CLCN3: variants seen among roughly 807,000 people sequenced by gnomAD.
CLCN3 encodes H(+)/Cl(-) exchange transporter 3.
A neutral mutation model predicts 83.4 loss-of-function variants in CLCN3; 16 were observed. That is an observed-to-expected ratio of 0.19 (90% confidence interval 0.13 to 0.29). The LOEUF is 0.29. Among genes scored for constraint, CLCN3 ranks in the 10% least tolerant of loss-of-function variants. CLCN3 has a pLI of 1.00. For missense variants in CLCN3, 544 were observed against 1,006.0 expected (o/e 0.54, Z 6.21); for synonymous variants, 322 against 346.2 (o/e 0.93, Z 0.78).
At chr4:169,637,545 A>G (rs1348222855) in intron 2 of CLCN3, among the ~76,000 whole-genome samples, 1 of 152,012 alleles carries the variant, frequency 6.6e-6, no homozygotes, top group South Asian at 2.1e-4. Flanking sequence ...CACTCCTGCT[A>G]GGCACCAGAG....
chr4:169,657,159 G>A (rs750410081), intron 2 of CLCN3, among the ~76,000 whole-genome samples: 19 of 152,048 alleles, frequency 1.2e-4, no homozygotes, highest in African/African-American at 4.1e-4. Context: ...CATGTATATT[G>A]TGTATTTCTA....
chr4:169,626,179 C>A (rs781710911), intron 1 of CLCN3, among the ~76,000 whole-genome samples: 11 of 152,208 alleles, frequency 7.2e-5, no homozygotes, highest in African/African-American at 2.4e-4. Flanking sequence ...TCACAGAACT[C>A]AGAGAAACAC....
intron 1 of CLCN3, among the ~76,000 whole-genome samples, chr4:169,623,142 A>G (rs1343899920): frequency 6.6e-6 from 1 of 152,202 alleles, no homozygotes; most frequent in African/African-American, 2.4e-5. Context: ...ATTTCTTGCT[A>G]TTTCTTGTGA....
At chr4:169,710,950 C>G (rs144066913) in intron 11 of CLCN3, among the ~76,000 whole-genome samples, 155 of 152,228 alleles carry the variant, frequency 1.0e-3, no homozygotes, top group Admixed American at 8.2e-3. Flanking sequence ...CCTCAACCTC[C>G]GGAGCACATG....
intron 2 of CLCN3, among the ~76,000 whole-genome samples, chr4:169,664,021 C>T (rs1013810827): frequency 6.6e-5 from 10 of 152,190 alleles, no homozygotes; most frequent in Non-Finnish European, 1.3e-4. Context: ...CTCACATACA[C>T]AGGGGACTCA....
chr4:169,658,569 T>C (rs994652645), intron 2 of CLCN3, among the ~76,000 whole-genome samples: 1 of 151,984 alleles, frequency 6.6e-6, no homozygotes, highest in Non-Finnish European at 1.5e-5. Flanking sequence ...GTAAAACATA[T>C]AAAAGAACCA....
Position 169,667,191 on chromosome 4 carries a change from G to A in CLCN3, c.161-12859G>A, listed in dbSNP as rs115905092. Among the ~76,000 whole-genome samples, 966 of 151,898 alleles carry A rather than the reference G, an allele frequency of 6.4e-3. 6 individuals carry two copies. Among genetic ancestry groups the A allele is most frequent in the Non-Finnish European group, 0.011 (773 of 67,962 alleles). On this transcript the variant is annotated intron_variant, in intron 2 of 12. Coordinates refer to ENST00000513761, the MANE Select transcript of CLCN3 (RefSeq NM_001829.4). ...TATATATGGTGTGAGGTAGGGGTACGGTTTCATTCTTTTGCACGTGAATAG... is the reference window on the plus strand; with the variant it reads ...TATATATGGTGTGAGGTAGGGGTACAGTTTCATTCTTTTGCACGTGAATAG...
At chr4:169,628,409 C>G (rs191673100) in intron 1 of CLCN3, among the ~76,000 whole-genome samples, 12 of 152,212 alleles carry the variant, frequency 7.9e-5, no homozygotes, top group African/African-American at 2.9e-4. Flanking sequence ...GACAACACAA[C>G]TGACAAATAA....
chr4:169,664,732 C>T (rs1360400649), intron 2 of CLCN3, among the ~76,000 whole-genome samples: 1 of 152,186 alleles, frequency 6.6e-6, no homozygotes, highest in Non-Finnish European at 1.5e-5. Flanking sequence ...ATTACTACCT[C>T]TAGCTTGATT....
chr4:169,650,389 C>T (rs573853098), intron 2 of CLCN3, among the ~76,000 whole-genome samples: 3 of 152,074 alleles, frequency 2.0e-5, no homozygotes, highest in Non-Finnish European at 4.4e-5. Context: ...GTTATGTGTG[C>T]GCATATTGTC....
chr4:169,710,657 A>G (rs1733177289), intron 11 of CLCN3, among the ~76,000 whole-genome samples: 1 of 152,242 alleles, frequency 6.6e-6, no homozygotes, highest in Non-Finnish European at 1.5e-5. Flanking sequence ...ATTCCATTAA[A>G]TAATTTTTTA....
chr4:169,706,408 A>G (rs1395331034), intron 10 of CLCN3, among the ~76,000 whole-genome samples: 2 of 152,196 alleles, frequency 1.3e-5, no homozygotes, highest in Non-Finnish European at 2.9e-5. Context: ...CTCTTTTTGA[A>G]AAAAATTTAG....
chr4:169,717,930 G>T, intron 12 of CLCN3: 3 of 1,091,010 alleles, frequency 2.7e-6, no homozygotes, highest in South Asian at 1.3e-5. Context: ...TGAAACTTGT[G>T]AACTGTTGAG....
chr4:169,633,953 AGTTT>A (rs1328717817), intron 1 of CLCN3, among the ~76,000 whole-genome samples: 1 of 9,818 alleles, frequency 1.0e-4, no homozygotes, highest in African/African-American at 1.3e-4. Context: ...TACGTGGAAT[AGTTT>A]TTTTTTTTTA....
chr4:169,645,321 A>G (rs1730544875), intron 2 of CLCN3, among the ~76,000 whole-genome samples: 1 of 152,210 alleles, frequency 6.6e-6, no homozygotes. Context: ...GGTAAAATCT[A>G]CATATATGAT....
At chr4:169,622,704 A>G (rs1773138459) in intron 1 of CLCN3, among the ~76,000 whole-genome samples, 2 of 152,210 alleles carry the variant, frequency 1.3e-5, no homozygotes, top group Non-Finnish European at 2.9e-5. Flanking sequence ...GAGGCACAGA[A>G]AATTTAACTA....
At chr4:169,679,939 A>G in intron 2 of CLCN3, 111 bp from the exon 3 acceptor site, 1 of 831,558 alleles carries the variant, frequency 1.2e-6, no homozygotes, top group Middle Eastern at 3.5e-4. Context: ...GAGACGAGGG[A>G]GAGGGAGAGG....
At chr4:169,632,220 A>G (rs1773390319) in intron 1 of CLCN3, among the ~76,000 whole-genome samples, 1 of 152,178 alleles carries the variant, frequency 6.6e-6, no homozygotes, top group Non-Finnish European at 1.5e-5. Context: ...AGGGAGCAAC[A>G]AAGGCCTTGG....
intron 2 of CLCN3, among the ~76,000 whole-genome samples, chr4:169,666,591 T>G (rs1731253394): frequency 6.6e-6 from 1 of 152,226 alleles, no homozygotes; most frequent in Non-Finnish European, 1.5e-5. Flanking sequence ...ATTGTATTTA[T>G]TGTCCAAAGG....
Sources: allele counts gnomAD v4.1 joint callset (sites outside exome capture counted in the v4.1 genomes callset), GRCh38; gene constraint gnomAD v4.1.1; transcripts MANE v1.5; gene names NCBI Gene and HGNC (gene_info 2026-07-23, HGNC 2026-07-21).